ALK: variants seen among roughly 807,000 people sequenced by gnomAD.
The protein encoded by ALK is ALK tyrosine kinase receptor.
A neutral mutation model predicts 163.1 loss-of-function variants in ALK; 74 were observed. That is an observed-to-expected ratio of 0.45 (90% CI 0.38 to 0.55). ALK has a LOEUF of 0.55. Ranked by LOEUF, ALK falls within the 20% of genes least tolerant of loss-of-function variation. The pLI is 0.00. For missense variants in ALK, 2,063 were observed against 2,105.3 expected (o/e 0.98, Z 0.39); for synonymous variants, 960 against 843.2 (o/e 1.14, Z -2.40).
At chr2:29,459,507 G>A (rs1261883466) in intron 4 of ALK, among the ~76,000 whole-genome samples, 1 of 151,902 alleles carries the variant, frequency 6.6e-6, no homozygotes, top group Non-Finnish European at 1.5e-5. Context: ...TTTGATTGTT[G>A]CAAACTCGTT....
chr2:29,350,960 G>C (rs1220566990), intron 5 of ALK, among the ~76,000 whole-genome samples: 1 of 152,156 alleles, frequency 6.6e-6, no homozygotes, highest in Non-Finnish European at 1.5e-5. Flanking sequence ...AGATTATTTT[G>C]TGGGAATAAG....
intron 13 of ALK, among the ~76,000 whole-genome samples, chr2:29,235,856 CTTTTTTTTTTTTTTT>C (rs569363324): frequency 3.2e-3 from 124 of 38,302 alleles, no homozygotes; most frequent in African/African-American, 4.1e-3. Context: ...CCAGGCTCGA[CTTTTTTTTTTTTTTT>C]TTTTTTTTTT....
chr2:29,670,707 T>C (rs1021461201), intron 3 of ALK, among the ~76,000 whole-genome samples: 1 of 152,096 alleles, frequency 6.6e-6, no homozygotes, highest in African/African-American at 2.4e-5. Flanking sequence ...TGTTCTTTTT[T>C]CTTTGACTGT....
intron 3 of ALK, among the ~76,000 whole-genome samples, chr2:29,554,179 G>T (rs975347740): frequency 1.1e-4 from 16 of 152,066 alleles, no homozygotes; most frequent in African/African-American, 3.9e-4. Context: ...GGTATACCTT[G>T]CTTTATGGAT....
At chr2:29,818,872 T>G (rs1367301170) in intron 1 of ALK, among the ~76,000 whole-genome samples, 1 of 152,226 alleles carries the variant, frequency 6.6e-6, no homozygotes, top group Non-Finnish European at 1.5e-5. Context: ...TAAAACCTAC[T>G]TCCTTTGGAA....
At position 29,229,022 on chromosome 2, in the gene ALK, C is replaced by T. The variant is rs764014697; in HGVS notation, c.2677G>A (p.Gly893Arg). The T allele has an allele frequency of 3.7e-6, 6 of 1,610,918 alleles. No homozygotes were observed. The highest frequency in any genetic ancestry group is 1.3e-5 in the African/African-American group (1 of 74,540). ...WNDNTSLLWA[G>R]KSLQEGATGG... ...GTGGCACCCTCCTGCAAAGATTTTC[C>T]GGCCCAGAGCAAGGAAGTGTTATCA... Residue 893 changes from glycine to arginine, a missense_variant, in exon 16 of 29, where the codon GGA (glycine) becomes AGA (arginine). Physicochemically the swap from Gly to Arg is moderately radical, Grantham distance 125. Coordinates refer to ENST00000389048, the MANE Select transcript of ALK (RefSeq NM_004304.5).
At chr2:29,410,741 T>C (rs1267617351) in intron 4 of ALK, among the ~76,000 whole-genome samples, 1 of 152,216 alleles carries the variant, frequency 6.6e-6, no homozygotes, top group African/African-American at 2.4e-5. Context: ...GGTACACCTA[T>C]GTAAGGCACT....
chr2:29,672,649 G>A (rs947102616), intron 3 of ALK, among the ~76,000 whole-genome samples: 4 of 152,090 alleles, frequency 2.6e-5, no homozygotes, highest in Non-Finnish European at 4.4e-5. Context: ...GTGTGCATGT[G>A]TCTTCATAGC....
intron 4 of ALK, among the ~76,000 whole-genome samples, chr2:29,527,293 G>C (rs1355671621): frequency 6.6e-6 from 1 of 152,104 alleles, no homozygotes; most frequent in Non-Finnish European, 1.5e-5. Context: ...TGGGATCTTT[G>C]GTCAGAACTG....
At chr2:29,778,550 C>G (rs886889010) in intron 1 of ALK, among the ~76,000 whole-genome samples, 1 of 152,134 alleles carries the variant, frequency 6.6e-6, no homozygotes, top group Admixed American at 6.5e-5. Flanking sequence ...TACATACATA[C>G]ACGTGCATGC....
chr2:29,809,500 C>A (rs1437233085), intron 1 of ALK, among the ~76,000 whole-genome samples: 1 of 152,176 alleles, frequency 6.6e-6, no homozygotes, highest in Admixed American at 6.5e-5. Context: ...GTCTGACTCC[C>A]TTCATATTCA....
At chr2:29,296,242 T>C (rs1273335816) in intron 9 of ALK, among the ~76,000 whole-genome samples, 2 of 152,222 alleles carry the variant, frequency 1.3e-5, no homozygotes, top group East Asian at 3.8e-4. Context: ...AAATAGGAAC[T>C]AAGACCACAA....
chr2:29,486,988 C>A (rs1030534904), intron 4 of ALK, among the ~76,000 whole-genome samples: 1 of 152,052 alleles, frequency 6.6e-6, no homozygotes, highest in Non-Finnish European at 1.5e-5. Context: ...AAAGTGGAGT[C>A]CTAAAAGGGT....
intron 8 of ALK, among the ~76,000 whole-genome samples, chr2:29,298,173 G>A (rs1666255060): frequency 6.6e-6 from 1 of 152,158 alleles, no homozygotes; most frequent in African/African-American, 2.4e-5. Flanking sequence ...GGGCATTGGG[G>A]CCCCCAGGGA....
At chr2:29,304,006 T>C (rs991348205) in intron 8 of ALK, among the ~76,000 whole-genome samples, 6 of 152,106 alleles carry the variant, frequency 3.9e-5, no homozygotes. Context: ...GTAACAAACC[T>C]GCATGTTTAT....
chr2:29,356,300 T>A (rs1668243874), intron 5 of ALK, among the ~76,000 whole-genome samples: 1 of 152,200 alleles, frequency 6.6e-6, no homozygotes, highest in Non-Finnish European at 1.5e-5. Flanking sequence ...TTAACTTCTT[T>A]TTTGCAGATG....
chr2:29,344,125 T>A (rs1667879746), intron 5 of ALK, among the ~76,000 whole-genome samples: 1 of 152,132 alleles, frequency 6.6e-6, no homozygotes, highest in African/African-American at 2.4e-5. Context: ...ATGAGGAAAA[T>A]GTGGATGACA....
intron 4 of ALK, among the ~76,000 whole-genome samples, chr2:29,438,039 C>G (rs1250916464): frequency 6.6e-6 from 1 of 151,932 alleles, no homozygotes; most frequent in Non-Finnish European, 1.5e-5. Context: ...GCTATTCTCC[C>G]AGATTCCACC....
At position 29,416,913 on chromosome 2, in the gene ALK, G is replaced by A. The variant is rs116419856; in HGVS notation, c.1155-33054C>T. Among the ~76,000 whole-genome samples the A allele has an allele frequency of 4.1e-3, 594 of 146,384 alleles. 3 individuals carry two copies. The highest frequency in any genetic ancestry group is 0.014 in the African/African-American group (558 of 39,396). ...TCAATGCCTGCCTCATATATGGCAT[G>A]TAGTCAATAAATATTTGCTCATTAA... On this transcript the variant is annotated intron_variant, in intron 4 of 28. Transcript: ENST00000389048.
Sources: gnomAD v4.1 joint callset for allele counts (sites outside exome capture counted in the v4.1 genomes callset) on GRCh38, gnomAD v4.1.1 for gene constraint, MANE v1.5 for transcripts, NCBI Gene and HGNC (gene_info 2026-07-23, HGNC 2026-07-21) for gene names.